The following ZNF99 variants were observed in gnomAD, a reference collection of about 807,000 sequenced individuals.
The protein encoded by ZNF99 is zinc finger protein 99.
In ZNF99, 8 loss-of-function variants were observed where a neutral mutation model predicts 12.8. The observed-to-expected ratio is 0.62, with a 90% CI of 0.37 to 1.13. The LOEUF is 1.13. ZNF99 is among the 50% of genes most tolerant of loss of function. The probability of loss-of-function intolerance (pLI) is 0.02; values close to 1 mark genes in which losing one functional copy is unlikely to be tolerated. For missense variants in ZNF99, 1,007 were observed against 1,006.2 expected (o/e 1.00, Z -0.01); for synonymous variants, 318 against 319.0 (o/e 1.00, Z 0.03).
chr19:22,756,692 A>G lies in ZNF99; in HGVS notation c.*622T>C, dbSNP rs776147812. On this transcript the variant is annotated 3_prime_UTR_variant, in exon 4 of 4. Coordinates refer to ENST00000596209, the MANE Select transcript of ZNF99 (RefSeq NM_001080409.3). ...GAGAAATTGTTAAAACCTTTGCCAC[A>G]TTCTTCACATTTGTACGGTTTCTCC... is the stretch of plus-strand genomic sequence containing the variant. The G allele has an allele frequency of 1.4e-6, 2 of 1,472,848 alleles. No individual in the cohort carries two copies. The highest frequency in any genetic ancestry group is 3.4e-5 in the African/African-American group (2 of 58,486). The allele number at this position is 1,472,848 out of a possible 1,614,324, so 91.2% of individuals were successfully genotyped here.
chr19:22,755,944 T>C lies in ZNF99; in HGVS notation c.*1370A>G, dbSNP rs1321736935. The C allele has an allele frequency of 1.1e-5, 5 of 436,534 alleles. No individual in the cohort carries two copies. Among genetic ancestry groups the C allele is most frequent in the Non-Finnish European group, 2.1e-5 (5 of 235,754 alleles). The allele number at this position is 436,534 out of a possible 1,614,324, so 27.0% of individuals were successfully genotyped here. A position where few individuals can be genotyped will look rare whatever the true frequency, so the allele number is the denominator to read the frequency against. On this transcript the variant is annotated 3_prime_UTR_variant, in exon 4 of 4. Coordinates refer to ENST00000596209, the MANE Select transcript of ZNF99 (RefSeq NM_001080409.3). ...ATGGTTAAAAGCTTTGTCACCTTTATTATATTTGTAGGGTTTTCCTCCAGT... is the reference window on the plus strand; with the variant it reads ...ATGGTTAAAAGCTTTGTCACCTTTACTATATTTGTAGGGTTTTCCTCCAGT...
intron 3 of ZNF99, 69 bp from the exon 4 acceptor site, chr19:22,759,751 CCT>C: frequency 8.3e-7 from 1 of 1,199,738 alleles, no homozygotes; most frequent in Non-Finnish European, 1.1e-6. Context: ...ACAAATCTAA[CCT>C]ATAAAATTAT....
chr19:22,770,108 T>C (rs1973250193), intron 1 of ZNF99: 1 of 912,920 alleles, frequency 1.1e-6, no homozygotes, highest in Admixed American at 4.8e-5. Flanking sequence ...TCACCAGTAA[T>C]GCCTGTTTTT....
chr19:22,766,319 G>C (rs1246630201), intron 3 of ZNF99, among the ~76,000 whole-genome samples: 1 of 148,924 alleles, frequency 6.7e-6, no homozygotes, highest in Admixed American at 6.7e-5. Context: ...CAATGAAACT[G>C]GTATGTAACT....
At chr19:22,769,087 G>A (rs1973236719) in intron 2 of ZNF99, 111 bp downstream of exon 2, 2 of 1,166,128 alleles carry the variant, frequency 1.7e-6, no homozygotes, top group Admixed American at 2.7e-5. Flanking sequence ...CAGAAAACGG[G>A]TATCTGAAAC....
Position 22,757,736 on chromosome 19 carries a change from T to G in ZNF99, c.2173A>C (p.Ile725Leu), listed in dbSNP as rs1448299965. ...TAGGGTTTCTCTCCAGTATGAATTATCTCATGTTTTCTAAGAGTTGAGGAC... is the reference window on the plus strand; with the variant it reads ...TAGGGTTTCTCTCCAGTATGAATTAGCTCATGTTTTCTAAGAGTTGAGGAC... The part of the protein sequence containing the change: ...SQSSTLRKHE[I>L]IHTGEKPYKC... Residue 725 changes from isoleucine to leucine, a missense_variant, in exon 4 of 4, where the codon ATA becomes CTA. Physicochemically the swap from Ile to Leu is conservative, Grantham distance 5 (BLOSUM62 2). Coordinates refer to ENST00000596209, the MANE Select transcript of ZNF99 (RefSeq NM_001080409.3). 6.2e-7 allele frequency: 1 copy of G among 1,612,214 alleles called. No homozygotes were observed. The highest frequency in any genetic ancestry group is 1.3e-5 in the African/African-American group (1 of 74,676).
At chr19:22,767,425 A>G (rs1216905419) in intron 3 of ZNF99, among the ~76,000 whole-genome samples, 2 of 152,198 alleles carry the variant, frequency 1.3e-5, no homozygotes, top group African/African-American at 2.4e-5. Context: ...AAAAAAATCT[A>G]TATTTCATGC....
At chr19:22,760,386 C>T (rs1311400347) in intron 3 of ZNF99, among the ~76,000 whole-genome samples, 6 of 152,110 alleles carry the variant, frequency 3.9e-5, no homozygotes, top group Admixed American at 6.6e-5. Context: ...TTCTAGGGGC[C>T]TTTCCAGACT....
intron 1 of ZNF99, among the ~76,000 whole-genome samples, chr19:22,772,376 A>C (rs1274547357): frequency 6.6e-6 from 1 of 152,188 alleles, no homozygotes; most frequent in Non-Finnish European, 1.5e-5. Context: ...TCAAAAGATG[A>C]ATACATAGTG....
intron 3 of ZNF99, among the ~76,000 whole-genome samples, chr19:22,760,294 A>G (rs1973135863): frequency 6.6e-6 from 1 of 152,200 alleles, no homozygotes; most frequent in Non-Finnish European, 1.5e-5. Flanking sequence ...CTCTGTCTCA[A>G]AACAAAAAAA....
chr19:22,780,418 C>T (rs768002954), intron 1 of ZNF99, among the ~76,000 whole-genome samples: 14 of 152,124 alleles, frequency 9.2e-5, no homozygotes, highest in African/African-American at 2.9e-4. Flanking sequence ...GTAGGCCAGG[C>T]GTGGTGGCTC....
rs1363333320 is a variant in ZNF99, at chr19:22,754,894, A to AC, written c.*2419dup. ...AGACCAGCTTGACCAACATGGAGAA[A>AC]CCCCGTCTCTACTAAAAATACAAAA... On this transcript the variant is annotated 3_prime_UTR_variant, in exon 4 of 4. Transcript: ENST00000596209. 1 of 174,454 alleles carries AC rather than the reference A, an allele frequency of 5.7e-6. No individual in the cohort carries two copies. Among genetic ancestry groups the AC allele is most frequent in the Non-Finnish European group, 1.2e-5 (1 of 82,572 alleles). 10.8% of individuals were successfully genotyped at this position (174,454 alleles called of 1,614,324 possible).
At chr19:22,775,273 C>T (rs2194113) in intron 1 of ZNF99, among the ~76,000 whole-genome samples, 29,386 of 152,056 alleles carry the variant, frequency 0.19, 3,796 homozygotes, top group African/African-American at 0.37. Context: ...CCTAAAACCA[C>T]CTGATCTTTG....
chr19:22,756,836 G>A lies in ZNF99; in HGVS notation c.*478C>T. 6.2e-7 allele frequency: 1 copy of A among 1,611,004 alleles called. No homozygotes were observed. The highest frequency in any genetic ancestry group is 8.5e-7 in the Non-Finnish European group (1 of 1,178,510). ...TTATCTCATGTTTTCTAAGGGCTGA[G>A]AAATGCTTAAAAGCTTTGCCACATT... On this transcript the variant is annotated 3_prime_UTR_variant, in exon 4 of 4. Coordinates refer to ENST00000596209, the MANE Select transcript of ZNF99 (RefSeq NM_001080409.3).
intron 1 of ZNF99, among the ~76,000 whole-genome samples, chr19:22,778,611 A>G (rs1274380677): frequency 1.3e-5 from 2 of 152,240 alleles, no homozygotes; most frequent in Admixed American, 1.3e-4. Flanking sequence ...TTATAGAGCT[A>G]GTCACAGAAC....
chr19:22,778,019 G>A (rs920626872), intron 1 of ZNF99, among the ~76,000 whole-genome samples: 1 of 118,794 alleles, frequency 8.4e-6, no homozygotes, highest in Non-Finnish European at 1.7e-5. Context: ...GTCGTGGGGT[G>A]GGGGGAGGGG....
chr19:22,756,834 G>T lies in ZNF99; in HGVS notation c.*480C>A. 6.2e-7 allele frequency: 1 copy of T among 1,611,536 alleles called. No homozygotes were observed. The highest frequency in any genetic ancestry group is 1.1e-5 in the South Asian group (1 of 91,040). On this transcript the variant is annotated 3_prime_UTR_variant, in exon 4 of 4. Transcript: ENST00000596209. ...AATTATCTCATGTTTTCTAAGGGCT[G>T]AGAAATGCTTAAAAGCTTTGCCACA...
rs1264167503 is a variant in ZNF99 at position 22,756,985 on chromosome 19, A to G, written c.*329T>C. 4 of 1,612,048 alleles carry G rather than the reference A, an allele frequency of 2.5e-6. No homozygotes were observed. The highest frequency in any genetic ancestry group is 2.7e-5 in the African/African-American group (2 of 74,826). ...GTTTCTCCCCAGTATGAATTATCTT[A>G]TGTTTCCTAAGGGCTGAGAAATTGC... On this transcript the variant is annotated 3_prime_UTR_variant, in exon 4 of 4. Transcript: ENST00000596209.
chr19:22,772,118 G>A (rs1973280383), intron 1 of ZNF99, among the ~76,000 whole-genome samples: 1 of 151,916 alleles, frequency 6.6e-6, no homozygotes, highest in African/African-American at 2.4e-5. Flanking sequence ...ACTGTAACCT[G>A]GGAGCAAATA....
Sources: allele counts gnomAD v4.1 joint callset (sites outside exome capture counted in the v4.1 genomes callset), GRCh38; gene constraint gnomAD v4.1.1; transcripts MANE v1.5; gene names NCBI Gene and HGNC (gene_info 2026-07-23, HGNC 2026-07-21).